Variants in LARGE1 observed in about 807,000 individuals in gnomAD.
LARGE1 encodes xylosyl- and glucuronyltransferase LARGE1.
Under a neutral mutation model 87.6 loss-of-function variants are expected in LARGE1, and 43 were observed. That is an observed-to-expected ratio of 0.49 (90% CI 0.38 to 0.63). The LOEUF is 0.63. Among genes scored for constraint, LARGE1 ranks in the 30% least tolerant of loss-of-function variants. The pLI is 0.00. For synonymous variants in LARGE1, 434 were observed against 394.6 expected (o/e 1.10, Z -1.18); for missense variants, 802 against 1,000.2 (o/e 0.80, Z 2.67).
At chr22:33,503,786 A>T (rs1475371297) in intron 6 of LARGE1, among the ~76,000 whole-genome samples, 1 of 151,956 alleles carries the variant, frequency 6.6e-6, no homozygotes, top group East Asian at 2.0e-4. Context: ...GCGACAGAGC[A>T]AGACTCTGTC....
At chr22:33,834,688 C>A (rs1338314967) in intron 1 of LARGE1, among the ~76,000 whole-genome samples, 1 of 152,206 alleles carries the variant, frequency 6.6e-6, no homozygotes, top group Non-Finnish European at 1.5e-5. Flanking sequence ...AGTGAAAGTA[C>A]CTTCGGCAAT....
intron 11 of LARGE1, among the ~76,000 whole-genome samples, chr22:33,255,607 A>C (rs1927222432): frequency 6.6e-6 from 1 of 152,238 alleles, no homozygotes; most frequent in Admixed American, 6.5e-5. Context: ...ATTCACAACA[A>C]GCTACACAGG....
intron 1 of LARGE1, among the ~76,000 whole-genome samples, chr22:33,812,029 G>A (rs544826351): frequency 5.9e-5 from 9 of 152,332 alleles, no homozygotes; most frequent in Admixed American, 4.6e-4. Flanking sequence ...AAGGATGACT[G>A]AGATTTCCAC....
intron 2 of LARGE1, among the ~76,000 whole-genome samples, chr22:33,751,123 T>C (rs773540696): frequency 2.6e-5 from 4 of 152,210 alleles, no homozygotes; most frequent in Non-Finnish European, 5.9e-5. Flanking sequence ...GAACAAGTCC[T>C]AAGTGAAATA....
chr22:33,360,840 C>A lies in LARGE1; in HGVS notation c.1131+21079G>T. ...GCAGGTATCTTGTCCAGCCCACTGC[C>A]ACTGGACTCTTTCTGTACATAAGGC... On this transcript the variant is annotated intron_variant, in intron 9 of 14. Transcript: ENST00000397394. 1.3e-5 allele frequency among the ~76,000 whole-genome samples: 2 copies of A among 149,984 alleles called. 1 individual carries two copies. Among genetic ancestry groups the A allele is most frequent in the Non-Finnish European group, 3.0e-5 (2 of 67,218 alleles).
At position 33,182,471 on chromosome 22, in the gene LARGE1, A is replaced by G. The variant is rs112763568; in HGVS notation, c.1731-15639T>C. ...TCAACAAGGATGCCAAGACAATTCA[A>G]TAGGGAAAGAATAGTCTTTTAAAAA... On this transcript the variant is annotated intron_variant, in intron 11 of 11. Coordinates refer to the LARGE1 transcript ENST00000608642. 1.7e-3 allele frequency among the ~76,000 whole-genome samples: 256 copies of G among 152,304 alleles called. 1 individual carries two copies. The highest frequency in any genetic ancestry group is 5.9e-3 in the African/African-American group (246 of 41,568).
rs4820105 is a variant in LARGE1 at position 33,464,927 on chromosome 22, G to T, written c.788-32662C>A. Reference sequence around the variant, plus strand: ...CACACATACACATGCACACATACATGCACGTACACATACACACACACATAC... The same window carrying T: ...CACACATACACATGCACACATACATTCACGTACACATACACACACACATAC... On this transcript the variant is annotated intron_variant, in intron 6 of 14. Transcript: ENST00000397394. 1.5e-4 allele frequency among the ~76,000 whole-genome samples: 22 copies of T among 150,656 alleles called. No homozygotes were observed. In the East Asian group the frequency reaches 4.3e-3, roughly 29 times the overall value.
chr22:33,259,155 G>A (rs1024561385), intron 11 of LARGE1, among the ~76,000 whole-genome samples: 9 of 152,178 alleles, frequency 5.9e-5, no homozygotes, highest in African/African-American at 1.4e-4. Flanking sequence ...TGGGATTACA[G>A]GCATGAGCCA....
At chr22:33,272,328 T>C (rs1205500680), downstream of LARGE1, among the ~76,000 whole-genome samples, 2 of 152,166 alleles carry the variant, frequency 1.3e-5, no homozygotes, top group Admixed American at 1.3e-4. Context: ...TGTGCTTGTG[T>C]GTACACAGGG....
intron 1 of LARGE1, among the ~76,000 whole-genome samples, chr22:33,796,838 C>A (rs1376016444): frequency 1.4e-5 from 2 of 147,442 alleles, no homozygotes; most frequent in African/African-American, 5.1e-5. Context: ...GATCTCAGCT[C>A]ACTGCAGCCT....
intron 1 of LARGE1, among the ~76,000 whole-genome samples, chr22:33,851,865 C>T (rs1219144623): frequency 6.6e-6 from 1 of 152,174 alleles, no homozygotes; most frequent in Non-Finnish European, 1.5e-5. Context: ...AAGCCATAAT[C>T]GGTAAAGAAA....
chr22:33,891,456 G>T (rs1341044834), intron 1 of LARGE1, among the ~76,000 whole-genome samples: 1 of 138,078 alleles, frequency 7.2e-6, no homozygotes, highest in African/African-American at 2.6e-5. Context: ...AAAAAAAACT[G>T]TATTGAGAGG....
At chr22:33,219,091 C>T (rs1389216587) in intron 11 of LARGE1, among the ~76,000 whole-genome samples, 1 of 152,188 alleles carries the variant, frequency 6.6e-6, no homozygotes, top group Non-Finnish European at 1.5e-5. Context: ...GGAATATCCA[C>T]CTGGAAGCAC....
the LARGE1 span, among the ~76,000 whole-genome samples, chr22:33,074,654 G>A: frequency 6.6e-6 from 1 of 152,110 alleles, no homozygotes; most frequent in African/African-American, 2.4e-5. Context: ...CAGCCTGGGC[G>A]ACAGAGTGAG....
At chr22:33,821,265 TC>T (rs1286155687) in intron 1 of LARGE1, among the ~76,000 whole-genome samples, 1 of 152,134 alleles carries the variant, frequency 6.6e-6, no homozygotes, top group African/African-American at 2.4e-5. Flanking sequence ...AGTCTCGATG[TC>T]TTCATCGTTA....
intron 6 of LARGE1, among the ~76,000 whole-genome samples, chr22:33,542,986 G>C (rs71313165): frequency 1.1e-3 from 166 of 152,262 alleles, no homozygotes; most frequent in Non-Finnish European, 2.2e-3. Flanking sequence ...GCTAACTCAT[G>C]ACCTCTAAGA....
chr22:33,386,429 T>C (rs13056549), intron 7 of LARGE1, among the ~76,000 whole-genome samples: 4,928 of 148,372 alleles, frequency 0.033, 510 homozygotes, highest in Non-Finnish European at 0.051. Flanking sequence ...TTTCTATGAG[T>C]GTTAAATGAG....
chr22:33,114,004 G>A, the LARGE1 span, among the ~76,000 whole-genome samples: 59 of 150,656 alleles, frequency 3.9e-4, no homozygotes, highest in African/African-American at 1.4e-3. Context: ...CCAAGTAGCT[G>A]GGATTACAGA....
At chr22:33,486,715 A>G (rs2069595022) in intron 6 of LARGE1, among the ~76,000 whole-genome samples, 1 of 152,170 alleles carries the variant, frequency 6.6e-6, no homozygotes, top group Non-Finnish European at 1.5e-5. Context: ...TCATGAATCC[A>G]ATGGGAATTA....
Sources: allele counts gnomAD v4.1 joint callset (sites outside exome capture counted in the v4.1 genomes callset), GRCh38; gene constraint gnomAD v4.1.1; transcripts MANE v1.5; gene names NCBI Gene and HGNC (gene_info 2026-07-23, HGNC 2026-07-21).